Variants in LOC112694756 observed in about 807,000 individuals in gnomAD.
chr16:30,068,637 C>T, the LOC112694756 span: 5 of 1,614,012 alleles, frequency 3.1e-6, no homozygotes, highest in Admixed American at 1.7e-5. Flanking sequence ...GTTACCCTGA[C>T]CCCAACAGGT....
the LOC112694756 span, chr16:30,067,720 G>A: frequency 1.3e-6 from 2 of 1,597,530 alleles, no homozygotes; most frequent in Non-Finnish European, 1.7e-6. Context: ...GGAAATCCAG[G>A]TTAGTGAGGC....
the LOC112694756 span, among the ~76,000 whole-genome samples, chr16:30,056,912 T>G: frequency 1.5e-5 from 2 of 134,332 alleles, no homozygotes; most frequent in South Asian, 2.4e-4. Flanking sequence ...CTACTTGCCC[T>G]TTTTTTTTTT....
the LOC112694756 span, among the ~76,000 whole-genome samples, chr16:30,056,977 C>A: frequency 6.9e-6 from 1 of 144,894 alleles, no homozygotes; most frequent in Non-Finnish European, 1.5e-5. Context: ...ATGGTGCAAT[C>A]TCGGCTCACC....
chr16:30,060,580 G>T, the LOC112694756 span, among the ~76,000 whole-genome samples: 1 of 152,108 alleles, frequency 6.6e-6, no homozygotes, highest in Non-Finnish European at 1.5e-5. Flanking sequence ...AGTTATTAAT[G>T]ACAAGATCTA....
the LOC112694756 span, chr16:30,064,131 G>T: frequency 2.5e-6 from 1 of 398,930 alleles, no homozygotes; most frequent in South Asian, 1.3e-4. Context: ...AAGTTGGGCA[G>T]GGGGGTGGCG....
chr16:30,069,263 T>G, the LOC112694756 span: 1 of 1,603,062 alleles, frequency 6.2e-7, no homozygotes, highest in Non-Finnish European at 8.5e-7. Context: ...GGTGGGACTC[T>G]GGGTTAGGAG....
chr16:30,060,714 C>T, the LOC112694756 span, among the ~76,000 whole-genome samples: 7 of 152,090 alleles, frequency 4.6e-5, no homozygotes, highest in Non-Finnish European at 8.8e-5. Flanking sequence ...TTCAAAAGCC[C>T]GCAGAAGTGA....
the LOC112694756 span, among the ~76,000 whole-genome samples, chr16:30,061,548 CTTTTT>C: frequency 2.9e-4 from 19 of 65,618 alleles, no homozygotes; most frequent in Admixed American, 9.9e-4. Context: ...CCTCCATTTC[CTTTTT>C]TTTTTTTTTT....
chr16:30,069,059 T>G, the LOC112694756 span: 1 of 1,593,400 alleles, frequency 6.3e-7, no homozygotes, highest in Non-Finnish European at 8.6e-7. Context: ...CCTGCCATGA[T>G]GCCTACCTCC....
the LOC112694756 span, chr16:30,069,810 G>T: frequency 6.2e-6 from 10 of 1,613,918 alleles, no homozygotes; most frequent in Middle Eastern, 1.6e-4. Context: ...AGCCCCTCTC[G>T]CCTCACCCCT....
the LOC112694756 span, chr16:30,069,181 C>T: frequency 7.3e-7 from 1 of 1,362,816 alleles, no homozygotes. Flanking sequence ...CTCCTGTAAT[C>T]TGAGGGCTTT....
At chr16:30,063,618 T>G in the LOC112694756 span, 13 of 398,286 alleles carry the variant, frequency 3.3e-5, no homozygotes, top group African/African-American at 2.3e-4. Context: ...CAGTACCCTC[T>G]GTTCCACTGG....
At chr16:30,057,446 A>G in the LOC112694756 span, among the ~76,000 whole-genome samples, 1 of 152,144 alleles carries the variant, frequency 6.6e-6, no homozygotes, top group Admixed American at 6.5e-5. Context: ...ACCTGTTTCT[A>G]TTTGTGGGTT....
chr16:30,065,110 A>G, the LOC112694756 span, among the ~76,000 whole-genome samples: 1 of 152,198 alleles, frequency 6.6e-6, no homozygotes, highest in East Asian at 1.9e-4. Flanking sequence ...TGCGCGACCC[A>G]GCCCGGCCTG....
chr16:30,069,748 T>C, the LOC112694756 span: 1 of 1,611,886 alleles, frequency 6.2e-7, no homozygotes, highest in Non-Finnish European at 8.5e-7. Context: ...TTTGGACGGA[T>C]TTCCATGGCA....
chr16:30,064,168 G>A, the LOC112694756 span: 3 of 398,368 alleles, frequency 7.5e-6, no homozygotes, highest in Admixed American at 1.3e-4. Context: ...AGTGTTATAG[G>A]AGGAGTCTGG....
At chr16:30,054,676 T>C in the LOC112694756 span, 2 of 397,970 alleles carry the variant, frequency 5.0e-6, no homozygotes, top group South Asian at 1.4e-4. Flanking sequence ...CTCCCCACCA[T>C]CTGGTGGCCG....
the LOC112694756 span, among the ~76,000 whole-genome samples, chr16:30,059,430 C>A: frequency 6.6e-6 from 1 of 151,654 alleles, no homozygotes; most frequent in Non-Finnish European, 1.5e-5. Context: ...ACCCGGGAGG[C>A]GGACCTTGCA....
the LOC112694756 span, among the ~76,000 whole-genome samples, chr16:30,057,835 G>A: frequency 8.0e-4 from 121 of 152,134 alleles, no homozygotes; most frequent in African/African-American, 2.7e-3. Context: ...AAAGGCTGAG[G>A]CAGGAGAATA....
Sources: gnomAD v4.1 joint callset for allele counts (sites outside exome capture counted in the v4.1 genomes callset) on GRCh38, gnomAD v4.1.1 for gene constraint, MANE v1.5 for transcripts.